Variants in CADPS observed in about 807,000 individuals in gnomAD.
CADPS encodes the protein calcium-dependent secretion activator 1.
Under a neutral mutation model 167.3 loss-of-function variants are expected in CADPS, and 57 were observed. That is an observed-to-expected ratio of 0.34 (90% CI 0.28 to 0.42). The LOEUF is 0.42. Among genes scored for constraint, CADPS ranks in the 20% least tolerant of loss-of-function variants. CADPS has a pLI of 1.00. For missense variants in CADPS, 1,414 were observed against 1,738.1 expected (o/e 0.81, Z 3.32); for synonymous variants, 676 against 635.3 (o/e 1.06, Z -0.96).
At chr3:62,590,525 T>C (rs1336103621) in intron 7 of CADPS, among the ~76,000 whole-genome samples, 1 of 152,224 alleles carries the variant, frequency 6.6e-6, no homozygotes, top group Non-Finnish European at 1.5e-5. Flanking sequence ...CACTGTTTTT[T>C]TGTTTTTGCT....
chr3:62,411,505 TTA>T (rs1465720763), intron 28 of CADPS, among the ~76,000 whole-genome samples: 3 of 152,194 alleles, frequency 2.0e-5, no homozygotes. Context: ...ATGAAATATT[TTA>T]TGTTTGAAGC....
intron 3 of CADPS, among the ~76,000 whole-genome samples, chr3:62,708,949 C>T (rs970056428): frequency 3.9e-5 from 6 of 152,006 alleles, no homozygotes; most frequent in Non-Finnish European, 7.4e-5. Context: ...TTTGCAAGGG[C>T]TCCACCCTGG....
intron 17 of CADPS, chr3:62,499,574 G>T (rs114093612): frequency 1.5e-4 from 33 of 215,370 alleles, no homozygotes; most frequent in African/African-American, 7.0e-4. Flanking sequence ...TTTAAAGACA[G>T]CATAAATGTA....
chr3:62,506,254 G>A (rs2066663194), intron 17 of CADPS, among the ~76,000 whole-genome samples: 1 of 152,046 alleles, frequency 6.6e-6, no homozygotes. Flanking sequence ...TGGGCATGGT[G>A]GTGTGCACCT....
chr3:62,757,962 G>T (rs2084399177), intron 2 of CADPS, among the ~76,000 whole-genome samples: 1 of 152,188 alleles, frequency 6.6e-6, no homozygotes, highest in Non-Finnish European at 1.5e-5. Flanking sequence ...CTGCTCCCAT[G>T]ATTCAATTAC....
At chr3:62,787,653 C>T (rs1422122025) in intron 1 of CADPS, among the ~76,000 whole-genome samples, 2 of 152,046 alleles carry the variant, frequency 1.3e-5, no homozygotes, top group Non-Finnish European at 2.9e-5. Flanking sequence ...AGCTTGGAAA[C>T]CATGGATATA....
chr3:62,495,287 C>T (rs910245079), intron 18 of CADPS, among the ~76,000 whole-genome samples: 1 of 152,130 alleles, frequency 6.6e-6, no homozygotes, highest in Non-Finnish European at 1.5e-5. Context: ...ACCTTATAAT[C>T]AAACCTGACT....
At position 62,753,353 on chromosome 3, in the gene CADPS, T is replaced by A; in HGVS notation, c.888+88A>T. 1 of 1,016,340 alleles carries A rather than the reference T, an allele frequency of 9.8e-7. No individual in the cohort carries two copies. 63.0% of individuals were successfully genotyped at this position (1,016,340 alleles called of 1,614,324 possible). ...TAATAAAATATAAGTTTTAATCCTT[T>A]TTTTAAAAAAATCAAGAAGTATCTC... On this transcript the variant is annotated intron_variant, in intron 3 of 29. Coordinates refer to ENST00000383710, the MANE Select transcript of CADPS (RefSeq NM_003716.4). This position sits in a 1 kb window ranked among gnomAD's most constrained non-coding sequence, Gnocchi z 4.6.
At chr3:62,550,422 C>G (rs2077139040) in intron 10 of CADPS, among the ~76,000 whole-genome samples, 1 of 152,056 alleles carries the variant, frequency 6.6e-6, no homozygotes, top group African/African-American at 2.4e-5. Flanking sequence ...TCTTTAAACA[C>G]AAACAAAACA....
chr3:62,651,154 T>C (rs1370947641), intron 4 of CADPS, 74 bp from the exon 5 acceptor site: 2 of 953,762 alleles, frequency 2.1e-6, no homozygotes, highest in Non-Finnish European at 1.6e-6. Context: ...CTTTGTCCCA[T>C]GGCCCAGAGT....
intron 26 of CADPS, among the ~76,000 whole-genome samples, chr3:62,460,258 T>TC (rs2059173664): frequency 6.6e-6 from 1 of 152,214 alleles, no homozygotes; most frequent in African/African-American, 2.4e-5. Context: ...TAGTATGTGT[T>TC]CAATAAACGC....
chr3:62,579,341 T>A, intron 8 of CADPS, among the ~76,000 whole-genome samples: 1 of 152,166 alleles, frequency 6.6e-6, no homozygotes, highest in Admixed American at 6.5e-5. Flanking sequence ...ATCTAAACAA[T>A]AAATAATTCA....
At chr3:62,442,860 G>C (rs191422768) in intron 27 of CADPS, among the ~76,000 whole-genome samples, 2 of 152,122 alleles carry the variant, frequency 1.3e-5, no homozygotes, top group East Asian at 3.9e-4. Flanking sequence ...CCCCTCCTAG[G>C]ATTGATTTCA....
At chr3:62,662,016 G>A (rs536115728) in intron 4 of CADPS, among the ~76,000 whole-genome samples, 4 of 152,298 alleles carry the variant, frequency 2.6e-5, no homozygotes, top group African/African-American at 7.2e-5. Flanking sequence ...AACCTGAAAT[G>A]CCAGGAAAAT....
intron 3 of CADPS, among the ~76,000 whole-genome samples, chr3:62,737,627 A>G (rs911447866): frequency 2.0e-5 from 3 of 152,154 alleles, no homozygotes; most frequent in Non-Finnish European, 4.4e-5. Flanking sequence ...AGTAAATCCA[A>G]GCTCTGAGGT....
chr3:62,581,280 C>A (rs1394199758), intron 8 of CADPS, among the ~76,000 whole-genome samples: 6 of 152,042 alleles, frequency 3.9e-5, no homozygotes, highest in Non-Finnish European at 8.8e-5. Flanking sequence ...TGCTGGCATT[C>A]CCATTTTCTG....
Position 62,753,574 on chromosome 3 carries a change from C to T in CADPS, c.755G>A (p.Arg252Gln), listed in dbSNP as rs1022980072. Residue 252 changes from arginine to glutamine, a missense_variant, in exon 3 of 30, where the codon CGG becomes CAG. Transcript: ENST00000383710. This position sits in a 1 kb window ranked among gnomAD's most constrained non-coding sequence, Gnocchi z 4.6. ...DAIYRGEEDP[R>Q]KQQARMTASA... ...GGCTGTCATCCGGGCCTGCTGCTTC[C>T]GCGGGTCCTCTTCTCCACGGTAGAT... The T allele has an allele frequency of 6.8e-6, 11 of 1,614,018 alleles. No homozygotes were observed. The highest frequency in any genetic ancestry group is 5.0e-5 in the Admixed American group (3 of 59,994).
chr3:62,499,380 T>A (rs548480971), intron 17 of CADPS, 112 bp from the exon 18 acceptor site: 4 of 692,162 alleles, frequency 5.8e-6, no homozygotes, highest in South Asian at 3.3e-5. Context: ...TTAAAAAAAA[T>A]TCATGCAAAT....
At chr3:62,545,055 CCTAA>C (rs1365311321) in intron 11 of CADPS, among the ~76,000 whole-genome samples, 1 of 152,062 alleles carries the variant, frequency 6.6e-6, no homozygotes, top group Admixed American at 6.6e-5. Flanking sequence ...CCCAAATCCC[CCTAA>C]CTGTTGAAGA....
Sources: allele counts gnomAD v4.1 joint callset (sites outside exome capture counted in the v4.1 genomes callset), GRCh38; gene constraint gnomAD v4.1.1; non-coding constraint Gnocchi (gnomAD v3.1); transcripts MANE v1.5; gene names NCBI Gene and HGNC (gene_info 2026-07-23, HGNC 2026-07-21).